Variants in CCDC122 observed in about 807,000 individuals in gnomAD.
CCDC122 encodes coiled-coil domain containing 122.
A neutral mutation model predicts 37.0 loss-of-function variants in CCDC122; 38 were observed. The observed-to-expected ratio is 1.03, with a 90% CI of 0.79 to 1.35. The LOEUF is 1.35. Ranked by LOEUF, CCDC122 falls within the 40% of genes most tolerant of loss-of-function variation. CCDC122 has a pLI of 0.00. For synonymous variants in CCDC122, 83 were observed against 95.6 expected (o/e 0.87, Z 0.77); for missense variants, 305 against 310.0 (o/e 0.98, Z 0.12).
At chr13:43,879,220 G>GCCCGCCGTT (rs1412111366) in intron 1 of CCDC122, 1 of 152,530 alleles carries the variant, frequency 6.6e-6, no homozygotes, top group Non-Finnish European at 1.5e-5. Context: ...CCCTCACGGT[G>GCCCGCCGTT]CCCGCCGTTC....
intron 6 of CCDC122, among the ~76,000 whole-genome samples, chr13:43,843,497 G>T (rs768946924): frequency 2.9e-4 from 44 of 151,858 alleles, no homozygotes; most frequent in Non-Finnish European, 4.4e-5. Flanking sequence ...ACTCATGAGG[G>T]ACATTGGTCT....
At chr13:43,840,438 T>C (rs569626501) in intron 6 of CCDC122, among the ~76,000 whole-genome samples, 55 of 152,292 alleles carry the variant, frequency 3.6e-4, no homozygotes, top group East Asian at 1.9e-3. Context: ...TGCAGGTTTG[T>C]TACATATGTA....
chr13:43,827,588 G>T (rs1169614609), intron 3 of CCDC122, among the ~76,000 whole-genome samples: 1 of 152,156 alleles, frequency 6.6e-6, no homozygotes, highest in African/African-American at 2.4e-5. Flanking sequence ...GCTTGCGTGG[G>T]TCCACTTATA....
chr13:43,834,415 T>C (rs1424538872), downstream of CCDC122, among the ~76,000 whole-genome samples: 1 of 152,176 alleles, frequency 6.6e-6, no homozygotes, highest in African/African-American at 2.4e-5. Flanking sequence ...ACTTCATGTC[T>C]AAAACACCAA....
rs544858022 is a variant in CCDC122, at chr13:43,862,407, C to G, written c.157-2337G>C. 2.6e-5 allele frequency among the ~76,000 whole-genome samples: 4 copies of G among 152,208 alleles called. No individual in the cohort carries two copies. The South Asian group carries it at 8.3e-4, about 32-fold the overall frequency. On this transcript the variant is annotated intron_variant, in intron 4 of 6. Transcript: ENST00000444614. Reference sequence around the variant, plus strand: ...TCACAATTCAGTATTATTATTATGTCTCAGAAGAGTCTTCCCTAAATCAAA... The same window carrying G: ...TCACAATTCAGTATTATTATTATGTGTCAGAAGAGTCTTCCCTAAATCAAA...
chr13:43,857,068 G>A (rs1056411902), intron 6 of CCDC122, among the ~76,000 whole-genome samples: 6 of 152,170 alleles, frequency 3.9e-5, no homozygotes, highest in African/African-American at 1.2e-4. Flanking sequence ...CTGTAATACC[G>A]ATAATCAGAT....
At chr13:43,832,884 G>T (rs2153868579), downstream of CCDC122, among the ~76,000 whole-genome samples, 1 of 152,194 alleles carries the variant, frequency 6.6e-6, no homozygotes, top group South Asian at 2.1e-4. Flanking sequence ...ATTATTTTGA[G>T]AATTAAATGA....
downstream of CCDC122, among the ~76,000 whole-genome samples, chr13:43,832,054 T>C (rs1398643138): frequency 2.0e-5 from 3 of 149,896 alleles, no homozygotes; most frequent in South Asian, 2.1e-4. Flanking sequence ...AGTTCAGTAA[T>C]ATTCAAGAGA....
intron 4 of CCDC122, among the ~76,000 whole-genome samples, chr13:43,867,689 T>C (rs1423149931): frequency 2.0e-5 from 3 of 152,098 alleles, no homozygotes; most frequent in African/African-American, 7.2e-5. Context: ...TCAATATAAA[T>C]GGAATAAAGT....
chr13:43,841,448 T>G (rs1953348230), intron 6 of CCDC122, among the ~76,000 whole-genome samples: 1 of 152,216 alleles, frequency 6.6e-6, no homozygotes, highest in African/African-American at 2.4e-5. Flanking sequence ...TAAAAAGGTG[T>G]GAATAGTATC....
At chr13:43,833,600 C>G (rs1953110938), downstream of CCDC122, among the ~76,000 whole-genome samples, 1 of 152,130 alleles carries the variant, frequency 6.6e-6, no homozygotes, top group Non-Finnish European at 1.5e-5. Flanking sequence ...TGAACTAGGG[C>G]TAGAAGAGGT....
chr13:43,853,200 A>G (rs1320254337), intron 6 of CCDC122, among the ~76,000 whole-genome samples: 1 of 152,216 alleles, frequency 6.6e-6, no homozygotes, highest in African/African-American at 2.4e-5. Flanking sequence ...GGCAAGCTGG[A>G]TAAAGAACTA....
chr13:43,852,391 C>T (rs539771645), intron 6 of CCDC122, among the ~76,000 whole-genome samples: 5 of 151,606 alleles, frequency 3.3e-5, no homozygotes, highest in African/African-American at 1.2e-4. Flanking sequence ...TCTCAGAGAT[C>T]GAAGACTGGC....
At chr13:43,825,439 T>C (rs1371666157) in intron 3 of CCDC122, among the ~76,000 whole-genome samples, 1 of 151,784 alleles carries the variant, frequency 6.6e-6, no homozygotes, top group Non-Finnish European at 1.5e-5. Flanking sequence ...AAATGCTGGG[T>C]ACACACAGAC....
At chr13:43,840,863 T>C (rs1953328193) in intron 6 of CCDC122, among the ~76,000 whole-genome samples, 1 of 152,124 alleles carries the variant, frequency 6.6e-6, no homozygotes. Context: ...TGTGTCTTTA[T>C]AGCAGCATGT....
chr13:43,879,349 C>T (rs994834766), intron 1 of CCDC122: 20 of 153,830 alleles, frequency 1.3e-4, no homozygotes, highest in Non-Finnish European at 2.7e-4. Flanking sequence ...CCTATCCCTC[C>T]TCAAGGGGCC....
In CCDC122 at chr13:43,837,218, T is replaced by C; in HGVS notation, c.*62A>G. The C allele has an allele frequency of 6.7e-7, 1 of 1,485,258 alleles. No individual in the cohort carries two copies. The highest frequency in any genetic ancestry group is 9.1e-7 in the Non-Finnish European group (1 of 1,098,450). The allele number at this position is 1,485,258 out of a possible 1,614,324, so 92.0% of individuals were successfully genotyped here. ...TTATTAAGAATCCAAAAGATTTTCT[T>C]AATGTTCTGTCCAGTAATTTTTGTT... On this transcript the variant is annotated 3_prime_UTR_variant, in exon 7 of 7. Coordinates refer to ENST00000444614, the MANE Select transcript of CCDC122 (RefSeq NM_144974.5).
Position 43,858,878 on chromosome 13 carries a change from T to A in CCDC122, c.575A>T (p.Lys192Met). ...TTCTTTTACAGTTATAATTTTATCC[T>A]TTAAGTTTGTAATGTCTTCCTGTAT... The part of the protein sequence containing the change: ...TQVQEDITNL[K>M]DKIITVKESI... Residue 192 changes from lysine to methionine, a missense_variant, in exon 6 of 7, where the codon AAG becomes ATG. Coordinates refer to ENST00000444614, the MANE Select transcript of CCDC122 (RefSeq NM_144974.5). 1 of 1,403,622 alleles carries A rather than the reference T, an allele frequency of 7.1e-7. No individual in the cohort carries two copies. Among genetic ancestry groups the A allele is most frequent in the South Asian group, 1.4e-5 (1 of 70,868 alleles). 86.9% of individuals were successfully genotyped at this position (1,403,622 alleles called of 1,614,324 possible). A position where few individuals can be genotyped will look rare whatever the true frequency, so the allele number is the denominator to read the frequency against.
intron 3 of CCDC122, among the ~76,000 whole-genome samples, chr13:43,826,543 T>C (rs1953043004): frequency 6.6e-6 from 1 of 152,108 alleles, no homozygotes; most frequent in Non-Finnish European, 1.5e-5. Flanking sequence ...TAATGAAAGC[T>C]CAAAACTCCC....
Sources: allele counts gnomAD v4.1 joint callset (sites outside exome capture counted in the v4.1 genomes callset), GRCh38; gene constraint gnomAD v4.1.1; transcripts MANE v1.5; gene names NCBI Gene and HGNC (gene_info 2026-07-23, HGNC 2026-07-21).